The following KCNB2 variants were observed in gnomAD, a reference collection of about 807,000 sequenced individuals.
KCNB2 encodes delayed rectifier potassium channel protein.
KCNB2 carries 15 observed loss-of-function variants against 61.5 expected under a neutral mutation model. That is an observed-to-expected ratio of 0.24 (90% CI 0.16 to 0.38). KCNB2 has a LOEUF of 0.38. KCNB2 is among the 10% of genes least tolerant of loss of function. The pLI, the probability that KCNB2 is intolerant of heterozygous loss-of-function variation, is 1.00. For missense variants in KCNB2, 828 were observed against 1,125.2 expected, an observed-to-expected ratio of 0.74 and a Z score of 3.78; for synonymous variants, 457 against 446.0, an observed-to-expected ratio of 1.02 and a Z score of -0.31.
rs1431247465 is a variant in KCNB2 at position 72,537,729 on chromosome 8, C to T, written c.-250C>T. 1 of 152,436 alleles carries T rather than the reference C, an allele frequency of 6.6e-6. No individual in the cohort carries two copies. Among genetic ancestry groups the T allele is most frequent in the African/African-American group, 2.4e-5 (1 of 41,426 alleles). The allele number at this position is 152,436 out of a possible 1,614,324, so 9.4% of individuals were successfully genotyped here. On this transcript the variant is annotated 5_prime_UTR_variant, in exon 1 of 3. Transcript: ENST00000523207. ...CGGGAGCTCCAGCCAGCCGGGGAGACCCTCCTCTCTGTGGAGGGGAGGGGG... is the reference window on the plus strand; with the variant it reads ...CGGGAGCTCCAGCCAGCCGGGGAGATCCTCCTCTCTGTGGAGGGGAGGGGG...
At chr8:72,665,664 G>T (rs188089386) in intron 2 of KCNB2, among the ~76,000 whole-genome samples, 2 of 152,282 alleles carry the variant, frequency 1.3e-5, no homozygotes, top group African/African-American at 4.8e-5. Context: ...GAGTTCAATC[G>T]GATTTCCCAG....
At chr8:72,596,693 A>C (rs1807196607) in intron 2 of KCNB2, among the ~76,000 whole-genome samples, 1 of 152,218 alleles carries the variant, frequency 6.6e-6, no homozygotes, top group Admixed American at 6.5e-5. Context: ...TATATACTCT[A>C]TAAAGGTAAG....
In KCNB2 at chr8:72,868,074, T is replaced by A. The variant is rs552329463; in HGVS notation, c.580-67861T>A. Among the ~76,000 whole-genome samples, 484 of 146,738 alleles carry A rather than the reference T, an allele frequency of 3.3e-3. 6 individuals are homozygous for A. The highest frequency in any genetic ancestry group is 0.012 in the African/African-American group (458 of 37,994). ...ATTTTGGGTTTTTTTTTTTATTATT[T>A]ATTTTTTTTTTTTTAGAGACAGGGT... On this transcript the variant is annotated intron_variant, in intron 2 of 2. Coordinates refer to ENST00000523207, the MANE Select transcript of KCNB2 (RefSeq NM_004770.3).
intron 2 of KCNB2, among the ~76,000 whole-genome samples, chr8:72,904,245 T>A (rs1806134492): frequency 6.6e-6 from 1 of 152,218 alleles, no homozygotes; most frequent in Non-Finnish European, 1.5e-5. Flanking sequence ...ATTTTTAAAG[T>A]GTGTATAGAT....
intron 2 of KCNB2, among the ~76,000 whole-genome samples, chr8:72,851,036 C>G (rs1032162265): frequency 7.6e-5 from 5 of 65,890 alleles, no homozygotes; most frequent in African/African-American, 2.4e-4. Flanking sequence ...GACACAGGCA[C>G]TAAAGCATAT....
At chr8:72,888,702 G>A (rs867120326) in intron 2 of KCNB2, among the ~76,000 whole-genome samples, 1 of 152,116 alleles carries the variant, frequency 6.6e-6, no homozygotes, top group Admixed American at 6.5e-5. Context: ...CAGTAATAAA[G>A]GCTTATGTCA....
chr8:72,690,827 G>A (rs1233452446), intron 2 of KCNB2, among the ~76,000 whole-genome samples: 3 of 152,224 alleles, frequency 2.0e-5, no homozygotes, highest in African/African-American at 7.2e-5. Context: ...ACAGGTGAAA[G>A]AAGAATCTCA....
chr8:72,871,064 C>T (rs1025107728), intron 2 of KCNB2, among the ~76,000 whole-genome samples: 2 of 152,150 alleles, frequency 1.3e-5, no homozygotes, highest in African/African-American at 2.4e-5. Flanking sequence ...CCCCCACCAA[C>T]GTACTAGCTA....
At chr8:72,561,836 T>C (rs1214929741) in intron 1 of KCNB2, among the ~76,000 whole-genome samples, 2 of 142,384 alleles carry the variant, frequency 1.4e-5, no homozygotes, top group African/African-American at 2.6e-5. Flanking sequence ...TATAATGTTA[T>C]TGGTTTTTAT....
chr8:72,844,191 T>C (rs1187240437), intron 2 of KCNB2, among the ~76,000 whole-genome samples: 1 of 152,218 alleles, frequency 6.6e-6, no homozygotes, highest in African/African-American at 2.4e-5. Context: ...TCTCCTTCGC[T>C]TATGAAGCTT....
intron 2 of KCNB2, among the ~76,000 whole-genome samples, chr8:72,719,902 G>A (rs537677818): frequency 6.6e-6 from 1 of 152,258 alleles, no homozygotes; most frequent in East Asian, 1.9e-4. Flanking sequence ...AAAGAAGATG[G>A]TTAAGAAACA....
rs112106512 is a variant in KCNB2 at position 72,676,821 on chromosome 8, C to T, written c.579+108508C>T. On this transcript the variant is annotated intron_variant, in intron 2 of 2. Transcript: ENST00000523207. ...GAACTTCCACAGATCCCACTACCACCGCTAACCCTCAATGCATCTGAATCC... is the reference window on the plus strand; with the variant it reads ...GAACTTCCACAGATCCCACTACCACTGCTAACCCTCAATGCATCTGAATCC... Among the ~76,000 whole-genome samples the T allele has an allele frequency of 1.5e-3, 230 of 152,102 alleles. 1 individual carries two copies. Among genetic ancestry groups the T allele is most frequent in the African/African-American group, 5.3e-3 (218 of 41,502 alleles).
chr8:72,687,351 A>G (rs1422052481), intron 2 of KCNB2, among the ~76,000 whole-genome samples: 3 of 152,218 alleles, frequency 2.0e-5, no homozygotes, highest in Non-Finnish European at 1.5e-5. Flanking sequence ...TTGTGACAAT[A>G]GCAGAAAATT....
chr8:72,552,653 G>A (rs1806362143), intron 1 of KCNB2, among the ~76,000 whole-genome samples: 1 of 152,192 alleles, frequency 6.6e-6, no homozygotes, highest in Non-Finnish European at 1.5e-5. Flanking sequence ...TTGGTGCCCA[G>A]TACCAGTTTG....
intron 2 of KCNB2, among the ~76,000 whole-genome samples, chr8:72,889,705 G>A (rs977673715): frequency 9.9e-5 from 15 of 151,992 alleles, no homozygotes; most frequent in African/African-American, 3.4e-4. Context: ...AAGAACACAT[G>A]CACTTGAACA....
At position 72,756,300 on chromosome 8, in the gene KCNB2, T is replaced by C. The variant is rs550916739; in HGVS notation, c.580-179635T>C. Among the ~76,000 whole-genome samples the C allele has an allele frequency of 1.1e-4, 17 of 152,246 alleles. No individual in the cohort carries two copies. In the East Asian group the frequency reaches 3.3e-3, roughly 29 times the overall value. ...TCCCTTCCTGTCTCCCTATACCCTG[T>C]CCCATCACACTGCCCCAGTCCTCAG... is the stretch of plus-strand genomic sequence containing the variant. On this transcript the variant is annotated intron_variant, in intron 2 of 2. Transcript: ENST00000523207.
intron 1 of KCNB2, among the ~76,000 whole-genome samples, chr8:72,549,182 G>GCATGGCAGGGTCCAGGCATTTT (rs1238090957): frequency 6.6e-6 from 1 of 152,102 alleles, no homozygotes; most frequent in Non-Finnish European, 1.5e-5. Flanking sequence ...TTGTGCCAGG[G>GCATGGCAGGGTCCAGGCATTTT]CATGGCAGGG....
rs539603298 is a variant in KCNB2, at chr8:72,720,766, C to T, written c.579+152453C>T. On this transcript the variant is annotated intron_variant, in intron 2 of 2. Transcript: ENST00000523207. ...AGGTTGGGTTTTGTCATTTGACAGACATTTATTGAGCAACTACTGCATGCC... is the reference window on the plus strand; with the variant it reads ...AGGTTGGGTTTTGTCATTTGACAGATATTTATTGAGCAACTACTGCATGCC... Among the ~76,000 whole-genome samples the T allele has an allele frequency of 1.8e-4, 27 of 152,286 alleles. 1 individual carries two copies. In the South Asian group the frequency reaches 3.3e-3, roughly 19 times the overall value.
intron 2 of KCNB2, among the ~76,000 whole-genome samples, chr8:72,749,568 A>G (rs1021144090): frequency 6.6e-6 from 1 of 151,762 alleles, no homozygotes; most frequent in Non-Finnish European, 1.5e-5. Context: ...ATTTTTAAAC[A>G]TAAATATAAA....
Sources: allele counts gnomAD v4.1 joint callset (sites outside exome capture counted in the v4.1 genomes callset), GRCh38; gene constraint gnomAD v4.1.1; transcripts MANE v1.5; gene names NCBI Gene and HGNC (gene_info 2026-07-23, HGNC 2026-07-21).